Variants in PARP6 observed in about 807,000 individuals in gnomAD.
PARP6 encodes the protein protein mono-ADP-ribosyltransferase PARP6.
Under a neutral mutation model 92.0 loss-of-function variants are expected in PARP6, and 27 were observed. The observed-to-expected ratio is 0.29, with a 90% confidence interval of 0.22 to 0.40. The LOEUF (loss-of-function observed/expected upper bound fraction) is 0.40, where lower values mean the gene tolerates loss of function less well. Ranked by LOEUF, PARP6 falls within the 10% of genes least tolerant of loss-of-function variation. The pLI is 1.00. For missense variants in PARP6, 501 were observed against 784.5 expected (o/e 0.64, Z 4.32); for synonymous variants, 272 against 281.2 (o/e 0.97, Z 0.33).
intron 15 of PARP6, among the ~76,000 whole-genome samples, 198 bp downstream of exon 15, chr15:72,254,257 A>C (rs1382413809): frequency 6.6e-6 from 1 of 152,224 alleles, no homozygotes; most frequent in Non-Finnish European, 1.5e-5. Flanking sequence ...TGAGACACAA[A>C]GACTAAAGAG....
intron 16 of PARP6, among the ~76,000 whole-genome samples, chr15:72,252,638 A>C (rs926077476): frequency 6.6e-6 from 1 of 152,068 alleles, no homozygotes; most frequent in African/African-American, 2.4e-5. Context: ...GGCATGGGCC[A>C]CCATGCCCAG....
intron 8 of PARP6, among the ~76,000 whole-genome samples, chr15:72,263,364 CTT>C (rs371088455): frequency 3.2e-4 from 48 of 152,286 alleles, no homozygotes; most frequent in African/African-American, 7.0e-4. Flanking sequence ...TTTAGCATCT[CTT>C]GTCTTGACTT....
intron 19 of PARP6, 45 bp from the exon 20 acceptor site, chr15:72,249,359 C>G: frequency 8.7e-7 from 1 of 1,152,740 alleles, no homozygotes; most frequent in South Asian, 1.4e-5. Flanking sequence ...CTGGGCCCTC[C>G]CATGGCTATT....
In PARP6 at chr15:72,267,138, A is replaced by G. The variant is rs1597155987; in HGVS notation, c.4-316T>C. The G allele has an allele frequency of 5.8e-6, 3 of 521,382 alleles. No homozygotes were observed. The Admixed American group carries it at 1.0e-4, about 17-fold the overall frequency. 32.3% of individuals were successfully genotyped at this position (521,382 alleles called of 1,614,324 possible). ...AAGAAATGCAAATGACTTCAATGTC[A>G]AGGTTGACTCCTAAGCATATCTGGG... On this transcript the variant is annotated intron_variant, in intron 3 of 23. Coordinates refer to ENST00000569795, the MANE Select transcript of PARP6 (RefSeq NM_001323532.2).
At chr15:72,263,163 T>C (rs1314144866) in intron 8 of PARP6, among the ~76,000 whole-genome samples, 1 of 152,224 alleles carries the variant, frequency 6.6e-6, no homozygotes, top group African/African-American at 2.4e-5. Context: ...CTATTTACAT[T>C]GGTGGTATCA....
intron 19 of PARP6, 49 bp downstream of exon 19, chr15:72,249,971 G>A (rs1162929901): frequency 4.9e-6 from 6 of 1,224,926 alleles, no homozygotes; most frequent in East Asian, 2.3e-5. Context: ...ACAAAACTGA[G>A]TAGGGAAGGG....
intron 11 of PARP6, among the ~76,000 whole-genome samples, chr15:72,258,772 C>T (rs2085466099): frequency 6.6e-6 from 1 of 152,188 alleles, no homozygotes; most frequent in Admixed American, 6.5e-5. Context: ...CCTGTCTTAA[C>T]ATAGCTTTTG....
intron 8 of PARP6, among the ~76,000 whole-genome samples, chr15:72,262,480 T>C (rs748905483): frequency 2.6e-5 from 4 of 152,164 alleles, no homozygotes; most frequent in Non-Finnish European, 5.9e-5. Context: ...TCATTCCCCT[T>C]TCCTGTCAGT....
chr15:72,266,897 T>C (rs2086671422), intron 3 of PARP6, 75 bp from the exon 4 acceptor site: 2 of 1,088,280 alleles, frequency 1.8e-6, no homozygotes, highest in South Asian at 1.3e-5. Flanking sequence ...GATGATATGG[T>C]GAGGAACAGA....
intron 11 of PARP6, among the ~76,000 whole-genome samples, chr15:72,258,545 G>A (rs897158729): frequency 1.3e-5 from 2 of 152,208 alleles, no homozygotes; most frequent in African/African-American, 2.4e-5. Context: ...AAAAGTACTT[G>A]TAATTATAGG....
chr15:72,266,902 AAC>A (rs56326524), intron 3 of PARP6, 80 bp from the exon 4 acceptor site: 220,262 of 1,020,958 alleles, frequency 0.22, 25,118 homozygotes, highest in East Asian at 0.38. Flanking sequence ...TATGGTGAGG[AAC>A]AGATTCCCAC....
At chr15:72,267,069 G>T in intron 3 of PARP6, 1 of 525,036 alleles carries the variant, frequency 1.9e-6, no homozygotes, top group Non-Finnish European at 3.4e-6. Context: ...TTGGCCTTCT[G>T]AAGTCTCAGT....
rs2086772960 is a variant in PARP6, at chr15:72,267,642, C to T, written c.-165G>A. On this transcript the variant is annotated 5_prime_UTR_variant, in exon 3 of 24. Coordinates refer to ENST00000569795, the MANE Select transcript of PARP6 (RefSeq NM_001323532.2). ...GGTGATCTGTTGGGGATGGCAGGCT[C>T]TGCTGTTGCGGTGGTAACAAGTCAC... 1.4e-6 allele frequency: 1 copy of T among 694,854 alleles called. No individual in the cohort carries two copies. The highest frequency in any genetic ancestry group is 2.6e-6 in the Non-Finnish European group (1 of 390,620). 43.0% of individuals were successfully genotyped at this position (694,854 alleles called of 1,614,324 possible). A position where few individuals can be genotyped will look rare whatever the true frequency, so the allele number is the denominator to read the frequency against.
intron 2 of PARP6, among the ~76,000 whole-genome samples, chr15:72,269,474 G>T (rs1051173826): frequency 2.0e-5 from 3 of 152,040 alleles, no homozygotes; most frequent in Admixed American, 6.6e-5. Flanking sequence ...CTCTAATACA[G>T]TTCTACTGAA....
At chr15:72,264,844 G>C (rs373103080) in intron 7 of PARP6, among the ~76,000 whole-genome samples, 11 of 152,178 alleles carry the variant, frequency 7.2e-5, no homozygotes, top group African/African-American at 2.7e-4. Context: ...GGAGGAGAAA[G>C]AAATTTTATC....
chr15:72,255,796 T>C (rs2085025366), intron 14 of PARP6, among the ~76,000 whole-genome samples: 2 of 99,830 alleles, frequency 2.0e-5, no homozygotes, highest in Non-Finnish European at 3.7e-5. Context: ...TTTTTTTTTT[T>C]TTTTTTTTTT....
chr15:72,251,196 T>G lies in PARP6; in HGVS notation c.1308+11A>C. The G allele has an allele frequency of 6.4e-7, 1 of 1,564,674 alleles. No homozygotes were observed. The highest frequency in any genetic ancestry group is 8.8e-7 in the Non-Finnish European group (1 of 1,134,870). On this transcript the variant is annotated intron_variant, in intron 17 of 23. Transcript: ENST00000569795. ...AAATTTAAAGCATTTAGAGGGAGAA[T>G]GGTCACTTACCCTGCTGAGAGGTAG...
Position 72,250,913 on chromosome 15 carries a change from G to A in PARP6, c.1350C>T (p.Ser450=). The change falls in exon 18 of 24, where the codon AGC becomes AGT. Residue 450 remains serine, a synonymous_variant. Transcript: ENST00000569795. The part of the protein sequence containing the change: ...MHTSHQFLLL[S]SPPAKEARFR... The stretch of plus-strand genomic sequence containing the variant: ...ACCGAGCCTCCTTGGCAGGAGGGCT[G>A]CTCAGCAGGAGGAACTGGTGTGAGG... The A allele has an allele frequency of 1.2e-6, 2 of 1,613,598 alleles. No homozygotes were observed. Among genetic ancestry groups the A allele is most frequent in the Non-Finnish European group, 8.5e-7 (1 of 1,179,782 alleles).
chr15:72,263,749 C>A (rs78198556), intron 8 of PARP6, among the ~76,000 whole-genome samples: 1 of 152,124 alleles, frequency 6.6e-6, no homozygotes, highest in African/African-American at 2.4e-5. Context: ...TGGCTGGGTG[C>A]GGTGGCTCAC....
Sources: gnomAD v4.1 joint callset for allele counts (sites outside exome capture counted in the v4.1 genomes callset) on GRCh38, gnomAD v4.1.1 for gene constraint, MANE v1.5 for transcripts, NCBI Gene and HGNC (gene_info 2026-07-23, HGNC 2026-07-21) for gene names.